The following MAD1L1 variants were observed in gnomAD, a reference collection of about 807,000 sequenced individuals.
MAD1L1 encodes the protein mitotic spindle assembly checkpoint protein MAD1.
A neutral mutation model predicts 96.9 loss-of-function variants in MAD1L1; 95 were observed. The ratio of observed to expected loss-of-function variants is 0.98; its 90% CI spans 0.83 to 1.16. The LOEUF (loss-of-function observed/expected upper bound fraction) is 1.16, where lower values mean the gene tolerates loss of function less well. MAD1L1 is among the 50% of genes most tolerant of loss of function. The pLI, the probability that MAD1L1 is intolerant of heterozygous loss-of-function variation, is 0.00. For synonymous variants in MAD1L1, 473 were observed against 396.6 expected (o/e 1.19, Z -2.29); for missense variants, 1,007 against 954.4 (o/e 1.06, Z -0.73).
intron 11 of MAD1L1, among the ~76,000 whole-genome samples, chr7:2,126,181 C>T (rs1217479553): frequency 6.6e-6 from 1 of 152,180 alleles, no homozygotes; most frequent in African/African-American, 2.4e-5. Context: ...AAAGACCGGG[C>T]AGGATGAAGG....
chr7:2,028,599 C>T (rs946588936), intron 12 of MAD1L1, among the ~76,000 whole-genome samples: 4 of 152,058 alleles, frequency 2.6e-5, no homozygotes, highest in East Asian at 3.9e-4. Context: ...CGTGAAGAGG[C>T]GGATGGCCAG....
chr7:2,107,787 G>T (rs562697989), intron 11 of MAD1L1: 2 of 152,226 alleles, frequency 1.3e-5, no homozygotes, highest in Non-Finnish European at 2.9e-5. Flanking sequence ...AACATTAGAG[G>T]GTATTTGAGG....
At chr7:1,854,347 C>T in intron 18 of MAD1L1, 1 of 470,482 alleles carries the variant, frequency 2.1e-6, no homozygotes, top group Non-Finnish European at 4.2e-6. Flanking sequence ...CCAACCCCCG[C>T]TGTGGGGGAA....
intron 12 of MAD1L1, among the ~76,000 whole-genome samples, chr7:2,054,678 T>C (rs529466216): frequency 6.6e-6 from 1 of 152,332 alleles, no homozygotes; most frequent in South Asian, 2.1e-4. Flanking sequence ...TGCTTATCTG[T>C]GGAGGGAAGA....
chr7:1,840,862 C>T (rs1783213942), intron 18 of MAD1L1, among the ~76,000 whole-genome samples: 1 of 152,274 alleles, frequency 6.6e-6, no homozygotes, highest in African/African-American at 2.4e-5. Context: ...TCACTGCACA[C>T]TCCCTGCATG....
chr7:2,232,677 G>A (rs1794265185), intron 1 of MAD1L1, among the ~76,000 whole-genome samples, 195 bp downstream of exon 1: 1 of 152,192 alleles, frequency 6.6e-6, no homozygotes, highest in Non-Finnish European at 1.5e-5. Flanking sequence ...GGAGTGGGGA[G>A]AGGAGGGGAG....
At chr7:2,156,798 G>A (rs1357672078) in intron 10 of MAD1L1, among the ~76,000 whole-genome samples, 1 of 143,948 alleles carries the variant, frequency 6.9e-6, no homozygotes, top group Non-Finnish European at 1.5e-5. Context: ...TCCAGCCTGC[G>A]CAACAAGAGC....
At chr7:1,852,464 A>C (rs1490439494) in intron 18 of MAD1L1, among the ~76,000 whole-genome samples, 1 of 152,118 alleles carries the variant, frequency 6.6e-6, no homozygotes, top group African/African-American at 2.4e-5. Context: ...AGGATCCCTG[A>C]GGCTGAGATG....
intron 18 of MAD1L1, among the ~76,000 whole-genome samples, chr7:1,888,190 G>A (rs1418814649): frequency 6.6e-6 from 1 of 151,344 alleles, no homozygotes; most frequent in Non-Finnish European, 1.5e-5. Context: ...GTGTGTGCAT[G>A]CATGTATGTG....
chr7:2,126,809 GCTCA>G (rs1788255500), intron 11 of MAD1L1, among the ~76,000 whole-genome samples: 1 of 152,210 alleles, frequency 6.6e-6, no homozygotes, highest in Non-Finnish European at 1.5e-5. Flanking sequence ...CCAGGCAGGT[GCTCA>G]CTGACACTGT....
chr7:2,062,409 T>C (rs188133076), intron 12 of MAD1L1, among the ~76,000 whole-genome samples: 3 of 151,720 alleles, frequency 2.0e-5, no homozygotes, highest in Admixed American at 2.0e-4. Context: ...ACCCTGTCTT[T>C]ACTAAAAATA....
intron 10 of MAD1L1, among the ~76,000 whole-genome samples, chr7:2,181,105 T>A (rs1791179105): frequency 6.6e-6 from 1 of 152,282 alleles, no homozygotes; most frequent in African/African-American, 2.4e-5. Context: ...GTTGCTGTAC[T>A]TTTCATCTGT....
intron 11 of MAD1L1, among the ~76,000 whole-genome samples, chr7:2,098,214 G>C (rs13438511): frequency 0.049 from 7,397 of 152,282 alleles, 602 homozygotes; most frequent in African/African-American, 0.17. Context: ...GACTGGGGCT[G>C]ACTGCACAGC....
chr7:2,047,447 T>C (rs1554344569), intron 12 of MAD1L1, among the ~76,000 whole-genome samples: 1 of 152,210 alleles, frequency 6.6e-6, no homozygotes, highest in Non-Finnish European at 1.5e-5. Context: ...ACTCCCTGCA[T>C]CTGACTGTTT....
At chr7:1,902,206 A>G (rs1375053634) in intron 17 of MAD1L1, among the ~76,000 whole-genome samples, 1 of 152,186 alleles carries the variant, frequency 6.6e-6, no homozygotes, top group Non-Finnish European at 1.5e-5. Context: ...GGCAGCTGTG[A>G]AGAGGACAGA....
At chr7:2,225,617 A>C in intron 3 of MAD1L1, 67 bp from the exon 4 acceptor site, 1 of 1,545,854 alleles carries the variant, frequency 6.5e-7, no homozygotes, top group South Asian at 1.2e-5. Context: ...TGAGTGACTC[A>C]GTGCAGCAGA....
intron 13 of MAD1L1, among the ~76,000 whole-genome samples, chr7:2,012,179 C>T (rs1782333629): frequency 6.6e-6 from 1 of 152,176 alleles, no homozygotes; most frequent in African/African-American, 2.4e-5. Flanking sequence ...AAGCACGGTG[C>T]CCAAACAGTG....
intron 18 of MAD1L1, among the ~76,000 whole-genome samples, chr7:1,819,949 T>C (rs1434736659): frequency 1.3e-5 from 2 of 152,120 alleles, no homozygotes; most frequent in Non-Finnish European, 2.9e-5. Context: ...AAGGAAGCCC[T>C]GAATCCTGGC....
At chr7:2,010,655 G>A (rs1052730085) in intron 13 of MAD1L1, among the ~76,000 whole-genome samples, 1 of 152,222 alleles carries the variant, frequency 6.6e-6, no homozygotes, top group South Asian at 2.1e-4. Context: ...GTCTCTGCTA[G>A]AATGAAAACA....
Sources: gnomAD v4.1 joint callset for allele counts (sites outside exome capture counted in the v4.1 genomes callset) on GRCh38, gnomAD v4.1.1 for gene constraint, MANE v1.5 for transcripts, NCBI Gene and HGNC (gene_info 2026-07-23, HGNC 2026-07-21) for gene names.